Variants in CSMD1 observed in about 807,000 individuals in gnomAD.
The protein encoded by CSMD1 is CUB and Sushi multiple domains 1.
CSMD1 carries 213 observed loss-of-function variants against 417.5 expected under a neutral mutation model. That is an observed-to-expected ratio of 0.51 (90% confidence interval 0.46 to 0.57). The LOEUF is 0.57. Among genes scored for constraint, CSMD1 ranks in the 20% least tolerant of loss-of-function variants. The pLI is 0.00. For synonymous variants in CSMD1, 2,862 were observed against 1,736.8 expected, an observed-to-expected ratio of 1.65 and a Z score of -16.11; for missense variants, 6,923 against 4,529.7, an observed-to-expected ratio of 1.53 and a Z score of -15.17.
At chr8:4,891,740 A>G (rs943490199) in intron 1 of CSMD1, among the ~76,000 whole-genome samples, 38 of 152,050 alleles carry the variant, frequency 2.5e-4, no homozygotes, top group Admixed American at 4.6e-4. Flanking sequence ...ATACTGAATT[A>G]ATTATTTCCC....
intron 18 of CSMD1, among the ~76,000 whole-genome samples, chr8:3,384,732 TATTATATAAATATATATTTATATAA>T (rs1318791954): frequency 3.1e-4 from 39 of 124,506 alleles, no homozygotes; most frequent in African/African-American, 6.8e-4. Context: ...TATTTATATA[TATTATATAAATATATATTTATATAA>T]ATTATATAAA....
intron 5 of CSMD1, among the ~76,000 whole-genome samples, chr8:3,906,185 T>C (rs749605639): frequency 2.6e-5 from 4 of 152,158 alleles, no homozygotes; most frequent in Non-Finnish European, 5.9e-5. Flanking sequence ...TATGGGTTAA[T>C]GTAAGTGAAT....
chr8:4,212,567 A>T (rs897120126), intron 3 of CSMD1, among the ~76,000 whole-genome samples: 1 of 152,076 alleles, frequency 6.6e-6, no homozygotes, highest in Non-Finnish European at 1.5e-5. Flanking sequence ...AATAAAGAAT[A>T]GTTGATCAAG....
chr8:3,622,334 T>C (rs6996642), intron 7 of CSMD1, among the ~76,000 whole-genome samples: 2 of 152,166 alleles, frequency 1.3e-5, no homozygotes, highest in South Asian at 2.1e-4. Context: ...TCATTGATGT[T>C]TGTCAGAAAT....
intron 57 of CSMD1, among the ~76,000 whole-genome samples, 171 bp from the exon 58 acceptor site, chr8:2,966,917 T>G (rs1160527347): frequency 1.3e-5 from 2 of 152,224 alleles, no homozygotes; most frequent in Non-Finnish European, 2.9e-5. Context: ...CTCATATGTT[T>G]ATTTTACTGA....
intron 5 of CSMD1, among the ~76,000 whole-genome samples, chr8:3,911,356 A>C (rs959158941): frequency 6.6e-6 from 1 of 151,016 alleles, no homozygotes; most frequent in Non-Finnish European, 1.5e-5. Context: ...CTGAAACCCC[A>C]TCTCTACTAA....
intron 1 of CSMD1, among the ~76,000 whole-genome samples, chr8:4,971,577 C>T (rs1042435569): frequency 1.3e-5 from 2 of 151,820 alleles, no homozygotes; most frequent in African/African-American, 4.8e-5. Context: ...TAGCAGTAGG[C>T]TATGTTTACC....
At chr8:4,137,300 A>T (rs1050234486) in intron 3 of CSMD1, among the ~76,000 whole-genome samples, 1 of 152,204 alleles carries the variant, frequency 6.6e-6, no homozygotes, top group African/African-American at 2.4e-5. Flanking sequence ...TCAAAATAGG[A>T]CGTGTCAGTG....
chr8:3,914,283 G>A (rs1037411876), intron 5 of CSMD1, among the ~76,000 whole-genome samples: 1 of 152,126 alleles, frequency 6.6e-6, no homozygotes, highest in Non-Finnish European at 1.5e-5. Context: ...TGGAGAGAAA[G>A]GGTCACAGGT....
At chr8:4,847,549 A>G (rs543598618) in intron 1 of CSMD1, among the ~76,000 whole-genome samples, 21 of 152,156 alleles carry the variant, frequency 1.4e-4, no homozygotes, top group Non-Finnish European at 2.8e-4. Context: ...CGATACTGGA[A>G]TATTTTATTA....
rs142404451 is a variant in CSMD1, at chr8:4,005,091, G to A, written c.611-6981C>T. ...TGATGTGTGGGAGCCAAGCTATGAG[G>A]ATGCAAAGGAATAGGAATGATATAA... On this transcript the variant is annotated intron_variant, in intron 4 of 69. Transcript: ENST00000635120. 2.4e-3 allele frequency among the ~76,000 whole-genome samples: 364 copies of A among 152,216 alleles called. 1 individual carries two copies. The highest frequency in any genetic ancestry group is 8.4e-3 in the African/African-American group (347 of 41,528).
chr8:3,895,234 G>C (rs149995489), intron 5 of CSMD1, among the ~76,000 whole-genome samples: 1 of 152,260 alleles, frequency 6.6e-6, no homozygotes, highest in African/African-American at 2.4e-5. Context: ...TGTTTAAAAT[G>C]ATCACTGTGC....
Position 4,452,152 on chromosome 8 carries a change from G to C in CSMD1, c.303-32087C>G, listed in dbSNP as rs145642873. On this transcript the variant is annotated intron_variant, in intron 2 of 69. Coordinates refer to ENST00000635120, the MANE Select transcript of CSMD1 (RefSeq NM_033225.6). ...ACAAACACCAGCTTTCATTGTGCTT[G>C]GGAGTTTCCATGCCTCTTCCTTCTC... Among the ~76,000 whole-genome samples, 500 of 152,146 alleles carry C rather than the reference G, an allele frequency of 3.3e-3. 7 individuals carry two copies. The highest frequency in any genetic ancestry group is 0.011 in the African/African-American group (473 of 41,520).
chr8:4,619,500 G>A (rs2130810820), intron 2 of CSMD1, among the ~76,000 whole-genome samples: 1 of 152,248 alleles, frequency 6.6e-6, no homozygotes. Flanking sequence ...CTAGGTAACT[G>A]CAAAATGTCA....
intron 42 of CSMD1, among the ~76,000 whole-genome samples, chr8:3,115,708 T>C (rs1816825038): frequency 6.6e-6 from 1 of 152,216 alleles, no homozygotes; most frequent in South Asian, 2.1e-4. Flanking sequence ...CTTATGCAGC[T>C]TAACATGTAT....
chr8:4,434,938 G>A (rs900098888), intron 2 of CSMD1, among the ~76,000 whole-genome samples: 1 of 152,108 alleles, frequency 6.6e-6, no homozygotes, highest in Admixed American at 6.5e-5. Context: ...GACAACAGAT[G>A]TTAAAACCAA....
chr8:3,751,294 A>G (rs1042623730), intron 6 of CSMD1, among the ~76,000 whole-genome samples: 2 of 120,130 alleles, frequency 1.7e-5, no homozygotes, highest in East Asian at 2.4e-4. Context: ...TATATATACA[A>G]TTGAAGTGTG....
intron 5 of CSMD1, among the ~76,000 whole-genome samples, chr8:3,808,421 C>A (rs974380730): frequency 8.5e-5 from 13 of 152,064 alleles, no homozygotes; most frequent in African/African-American, 3.1e-4. Context: ...ACTACTCAAC[C>A]AAAACTCATT....
At position 3,638,881 on chromosome 8, in the gene CSMD1, G is replaced by A. The variant is rs186836186; in HGVS notation, c.1010-22084C>T. Among the ~76,000 whole-genome samples the A allele has an allele frequency of 3.9e-5, 6 of 152,232 alleles. No homozygotes were observed. In the East Asian group the frequency reaches 5.8e-4, roughly 15 times the overall value. ...TAAAGATAAAACTACAAGAAAAATG[G>A]GGTAGGGAAAAGTGAAGAAGGGACT... On this transcript the variant is annotated intron_variant, in intron 7 of 69. Transcript: ENST00000635120.
Sources: allele counts gnomAD v4.1 joint callset (sites outside exome capture counted in the v4.1 genomes callset), GRCh38; gene constraint gnomAD v4.1.1; transcripts MANE v1.5; gene names NCBI Gene and HGNC (gene_info 2026-07-23, HGNC 2026-07-21).